PCDHA4: variants seen among roughly 807,000 people sequenced by gnomAD.
The protein encoded by PCDHA4 is protocadherin alpha 4.
A neutral mutation model predicts 61.4 loss-of-function variants in PCDHA4; 49 were observed. The observed-to-expected ratio is 0.80, with a 90% CI of 0.63 to 1.01. The LOEUF (loss-of-function observed/expected upper bound fraction) is 1.01. Among genes scored for constraint, PCDHA4 ranks in the 50% least tolerant of loss-of-function variants. The pLI, the probability that PCDHA4 is intolerant of heterozygous loss-of-function variation, is 0.00. For synonymous variants in PCDHA4, 590 were observed against 550.3 expected (o/e 1.07, Z -1.01); for missense variants, 1,254 against 1,235.8 (o/e 1.01, Z -0.22).
chr5:140,943,333 T>C (rs1337058167), intron 1 of PCDHA4, among the ~76,000 whole-genome samples: 1 of 150,974 alleles, frequency 6.6e-6, no homozygotes, highest in East Asian at 1.9e-4. Flanking sequence ...GTAGTATCCA[T>C]TGGACAGGAT....
chr5:140,886,328 C>T (rs1554182483), intron 1 of PCDHA4, among the ~76,000 whole-genome samples: 1 of 151,922 alleles, frequency 6.6e-6, no homozygotes, highest in African/African-American at 2.4e-5. Context: ...TTCTGGGATA[C>T]ATGTGCAGAA....
chr5:140,876,699 G>A, intron 1 of PCDHA4: 1 of 1,614,228 alleles, frequency 6.2e-7, no homozygotes, highest in Non-Finnish European at 8.5e-7. Context: ...CGTTGGTGCT[G>A]GACAGCGCCC....
In PCDHA4 at chr5:141,011,905, G is replaced by C. The variant is rs1400272126; in HGVS notation, c.*1968G>C. 4 of 153,222 alleles carry C rather than the reference G, an allele frequency of 2.6e-5. No individual in the cohort carries two copies. Among genetic ancestry groups the C allele is most frequent in the African/African-American group, 9.7e-5 (4 of 41,224 alleles). The allele number at this position is 153,222 out of a possible 1,614,324, so 9.5% of individuals were successfully genotyped here. A position where few individuals can be genotyped will look rare whatever the true frequency, so the allele number is the denominator to read the frequency against. ...TTGATTAATTATATTATCTATTTAG[G>C]CATTAATATAAAAGAGGTAGGAGTC... On this transcript the variant is annotated 3_prime_UTR_variant, in exon 4 of 4. Coordinates refer to ENST00000530339, the MANE Select transcript of PCDHA4 (RefSeq NM_018907.4).
chr5:140,848,579 C>A lies in PCDHA4; in HGVS notation c.2385+39007C>A, dbSNP rs2150413279. Reference sequence around the variant, plus strand: ...TCCTCGCAATGTGGGTGGTGGGGAGCGGCCAGCTCCACTACTCCGTCCCGG... The same window carrying A: ...TCCTCGCAATGTGGGTGGTGGGGAGAGGCCAGCTCCACTACTCCGTCCCGG... On this transcript the variant is annotated intron_variant, in intron 1 of 3. Transcript: ENST00000530339. 0.52 allele frequency: 831,192 copies of A among 1,591,790 alleles called. 256,408 individuals are homozygous for A. Among genetic ancestry groups the A allele is most frequent in the South Asian group, 0.62 (55,610 of 90,064 alleles).
chr5:140,856,859 G>A, intron 1 of PCDHA4: 1 of 1,594,674 alleles, frequency 6.3e-7, no homozygotes, highest in African/African-American at 1.3e-5. Flanking sequence ...TTCGGATGAA[G>A]GAATAAACAA....
At chr5:140,926,783 C>T (rs1230665699) in intron 1 of PCDHA4, 2 of 1,410,186 alleles carry the variant, frequency 1.4e-6, no homozygotes, top group Non-Finnish European at 1.8e-6. Flanking sequence ...CAGTGACGGC[C>T]GGCAGGAGCG....
intron 1 of PCDHA4, chr5:140,841,300 T>C (rs1305687765): frequency 9.6e-6 from 15 of 1,568,478 alleles, no homozygotes; most frequent in African/African-American, 4.1e-5. Flanking sequence ...TAATATTTTC[T>C]GATAGGAAAC....
At chr5:140,993,358 A>G (rs1197499617) in intron 3 of PCDHA4, among the ~76,000 whole-genome samples, 7 of 151,988 alleles carry the variant, frequency 4.6e-5, no homozygotes, top group Admixed American at 4.6e-4. Context: ...AGATCCTCAC[A>G]AAAACTACCT....
At chr5:140,833,358 C>G (rs1772420671) in intron 1 of PCDHA4, among the ~76,000 whole-genome samples, 1 of 152,128 alleles carries the variant, frequency 6.6e-6, no homozygotes, top group Non-Finnish European at 1.5e-5. Flanking sequence ...AAAACGAACA[C>G]AGTAAGGTAG....
At chr5:140,877,958 C>A in intron 1 of PCDHA4, 1 of 1,319,110 alleles carries the variant, frequency 7.6e-7, no homozygotes, top group Non-Finnish European at 1.0e-6. Flanking sequence ...AATGTCTCAT[C>A]TTTCTTGGTC....
chr5:140,835,125 A>G, intron 1 of PCDHA4: 1 of 1,331,534 alleles, frequency 7.5e-7, no homozygotes, highest in South Asian at 1.4e-5. Flanking sequence ...AACCCTGTAT[A>G]CGGTGAAATT....
rs782516369 is a variant in PCDHA4 at position 140,857,545 on chromosome 5, C to T, written c.2385+47973C>T. The T allele has an allele frequency of 1.9e-6, 3 of 1,596,810 alleles. 1 individual carries two copies. The highest frequency in any genetic ancestry group is 1.1e-5 in the South Asian group (1 of 90,486). On this transcript the variant is annotated intron_variant, in intron 1 of 3. Transcript: ENST00000530339. ...ACTCTCTGGTGGAGCGGCGGTTGGGCGAGCGCTCGCTGTCGAGCTACGTGT... is the reference window on the plus strand; with the variant it reads ...ACTCTCTGGTGGAGCGGCGGTTGGGTGAGCGCTCGCTGTCGAGCTACGTGT...
chr5:140,971,332 A>G (rs1229650076), intron 1 of PCDHA4, among the ~76,000 whole-genome samples: 3 of 152,242 alleles, frequency 2.0e-5, no homozygotes, highest in Non-Finnish European at 4.4e-5. Context: ...AAATTATTTC[A>G]GAAAGTGCTT....
intron 1 of PCDHA4, chr5:140,813,542 A>AG (rs1554126221): frequency 6.6e-6 from 1 of 152,234 alleles, no homozygotes. Flanking sequence ...ACACCTGAAT[A>AG]GGGTACTTAC....
In PCDHA4 at chr5:140,807,981, A is replaced by G; in HGVS notation, c.794A>G (p.Asn265Ser). 1.2e-6 allele frequency: 2 copies of G among 1,613,816 alleles called. No homozygotes were observed. Among genetic ancestry groups the G allele is most frequent in the African/African-American group, 2.7e-5 (2 of 75,058 alleles). ...VPNGTLVIKL[N>S]ASDLDEGLNG... is the part of the protein sequence containing the mutation. Reference sequence around the variant, plus strand: ...AATGGAACATTGGTAATTAAACTTAACGCCTCAGATTTAGACGAAGGATTG... The same window carrying G: ...AATGGAACATTGGTAATTAAACTTAGCGCCTCAGATTTAGACGAAGGATTG... Residue 265 changes from asparagine (N) to serine (S), a missense_variant, in exon 1 of 4, where the codon AAC becomes AGC. Physicochemically the swap from Asn to Ser is conservative, Grantham distance 46. Transcript: ENST00000530339.
At chr5:140,993,462 TCACACACACACACACACACACA>T (rs3836747) in intron 3 of PCDHA4, among the ~76,000 whole-genome samples, 6 of 141,044 alleles carry the variant, frequency 4.3e-5, no homozygotes, top group East Asian at 4.2e-4. Context: ...TCTTTCTTTC[TCACACACACACACACACACACA>T]CACACACACA....
chr5:140,957,328 G>A (rs1312649094), intron 1 of PCDHA4, among the ~76,000 whole-genome samples: 1 of 152,134 alleles, frequency 6.6e-6, no homozygotes, highest in Admixed American at 6.5e-5. Context: ...GCACAGTACA[G>A]TAAGATATTT....
intron 1 of PCDHA4, chr5:140,862,842 G>C: frequency 1.7e-6 from 1 of 572,982 alleles, no homozygotes; most frequent in Non-Finnish European, 3.3e-6. Flanking sequence ...CGGGCATGCC[G>C]CCTCTGAGCA....
At chr5:140,818,623 G>A (rs970158676) in intron 1 of PCDHA4, among the ~76,000 whole-genome samples, 4 of 152,122 alleles carry the variant, frequency 2.6e-5, no homozygotes, top group Non-Finnish European at 5.9e-5. Context: ...GATTGCTTGA[G>A]CCCAGGAGTT....
Sources: allele counts gnomAD v4.1 joint callset (sites outside exome capture counted in the v4.1 genomes callset), GRCh38; gene constraint gnomAD v4.1.1; transcripts MANE v1.5; gene names NCBI Gene and HGNC (gene_info 2026-07-23, HGNC 2026-07-21).